ALG13: variants seen among roughly 807,000 people sequenced by gnomAD.
ALG13 encodes UDP-N-acetylglucosamine transferase subunit ALG13.
Under a neutral mutation model 87.8 loss-of-function variants are expected in ALG13, and 11 were observed. The ratio of observed to expected loss-of-function variants is 0.13; its 90% CI spans 0.08 to 0.21. ALG13 has a LOEUF of 0.21. Among genes scored for constraint, ALG13 ranks in the 10% least tolerant of loss-of-function variants. The pLI, the probability that ALG13 is intolerant of heterozygous loss-of-function variation, is 1.00. For missense variants in ALG13, 756 were observed against 866.1 expected, an observed-to-expected ratio of 0.87 and a Z score of 1.60; for synonymous variants, 320 against 306.3, an observed-to-expected ratio of 1.04 and a Z score of -0.47.
intron 3 of ALG13, 80 bp downstream of exon 3, chrX:111,685,183 C>A: frequency 1.0e-6 from 1 of 1,000,372 alleles, no homozygotes; most frequent in Non-Finnish European, 1.4e-6. Context: ...CCTAACCCAT[C>A]TGTCTCTTCT....
chrX:111,730,399 A>G lies in ALG13; in HGVS notation c.2373A>G (p.Arg791=), dbSNP rs1006542504. Residue 791 remains arginine, a synonymous_variant, in exon 20 of 27, where the codon CGA becomes CGG. Transcript: ENST00000394780. ...EEGNGQSENG[R]YHEEYLYRAE... is the part of the protein sequence containing the mutation. ...TGTCTTGTCTTTTTTCCCCAGGGCG[A>G]TATCATGAAGAATATCTTTATCGTG... 8.3e-7 allele frequency: 1 copy of G among 1,210,023 alleles called. No homozygotes were observed.
At position 111,697,518 on chromosome X, in the gene ALG13, G is replaced by A. The variant is rs959241772; in HGVS notation, c.384-10509G>A. Among the ~76,000 whole-genome samples the A allele has an allele frequency of 4.5e-5, 5 of 111,862 alleles. No homozygotes were observed. The Admixed American group carries it at 4.8e-4, about 11-fold the overall frequency. ...ATCTTTTAACAAGCCCTCCACTTGA[G>A]AACCACTGTTCTGGAAGTTTTTCAG... is the stretch of plus-strand genomic sequence containing the variant. On this transcript the variant is annotated intron_variant, in intron 3 of 26. Coordinates refer to ENST00000394780, the MANE Select transcript of ALG13 (RefSeq NM_001099922.3).
intron 18 of ALG13, 115 bp from the exon 19 acceptor site, chrX:111,728,070 A>C (rs897018167): frequency 1.1e-6 from 1 of 933,891 alleles, no homozygotes; most frequent in Non-Finnish European, 1.5e-6. Context: ...GTTCTCTTAC[A>C]ATAGCAGTTC....
chrX:111,707,867 G>C (rs1201801291), intron 3 of ALG13, among the ~76,000 whole-genome samples, 160 bp from the exon 4 acceptor site: 5 of 111,849 alleles, frequency 4.5e-5, no homozygotes, highest in Non-Finnish European at 9.4e-5. Flanking sequence ...AGCTGCTTAT[G>C]CATACTTTTC....
intron 3 of ALG13, among the ~76,000 whole-genome samples, chrX:111,700,756 T>A (rs1244771631): frequency 9.8e-6 from 1 of 102,453 alleles, no homozygotes. Context: ...TTTGTATTTT[T>A]TTTTTTTTTT....
intron 25 of ALG13, among the ~76,000 whole-genome samples, chrX:111,756,035 C>T (rs1481070152): frequency 8.9e-6 from 1 of 112,386 alleles, no homozygotes; most frequent in Admixed American, 9.4e-5. Context: ...CAATGATAGA[C>T]TGCATAAAGA....
At position 111,688,090 on chromosome X, in the gene ALG13, C is replaced by A; in HGVS notation, c.383+2987C>A. On this transcript the variant is annotated intron_variant, in intron 3 of 26. Transcript: ENST00000394780. ...AAATTAAATACATAATATATATTTACAAAATAATATAATTAATAAACTTCC... is the reference window on the plus strand; with the variant it reads ...AAATTAAATACATAATATATATTTAAAAAATAATATAATTAATAAACTTCC... 4 of 867,523 alleles carry A rather than the reference C, an allele frequency of 4.6e-6. No individual in the cohort carries two copies. The South Asian group carries it at 2.4e-4, about 51-fold the overall frequency. The allele number at this position is 867,523 out of a possible 1,213,427, so 71.5% of individuals were successfully genotyped here.
intron 12 of ALG13, 27 bp downstream of exon 12, chrX:111,721,738 T>C (rs1340713781): frequency 9.8e-7 from 1 of 1,019,063 alleles, no homozygotes; most frequent in Non-Finnish European, 1.4e-6. Context: ...AGGATACTTT[T>C]GAATCCTGAC....
intron 13 of ALG13, among the ~76,000 whole-genome samples, chrX:111,723,250 T>C (rs1017262399): frequency 1.8e-5 from 2 of 108,564 alleles, no homozygotes; most frequent in African/African-American, 3.4e-5. Flanking sequence ...GCCTCCCGGG[T>C]TCATGCCTCA....
intron 2 of ALG13, among the ~76,000 whole-genome samples, chrX:111,684,686 G>T (rs1934482254): frequency 8.9e-6 from 1 of 111,758 alleles, no homozygotes; most frequent in Non-Finnish European, 1.9e-5. Flanking sequence ...GTAAGTTGAG[G>T]GTCATTGGTA....
At chrX:111,715,732 A>T (rs1043238825) in intron 8 of ALG13, among the ~76,000 whole-genome samples, 1 of 112,290 alleles carries the variant, frequency 8.9e-6, no homozygotes, top group Non-Finnish European at 1.9e-5. Flanking sequence ...ATAAATAAAT[A>T]AAAATGATTG....
chrX:111,682,339 T>G, intron 2 of ALG13, 45 bp downstream of exon 2: 3 of 1,051,258 alleles, frequency 2.9e-6, no homozygotes, highest in Non-Finnish European at 3.8e-6. Flanking sequence ...TTAATTTTAA[T>G]TTTTTTTAAG....
At chrX:111,725,553 T>G (rs1941898597) in intron 15 of ALG13, among the ~76,000 whole-genome samples, 1 of 111,120 alleles carries the variant, frequency 9.0e-6, no homozygotes, top group African/African-American at 3.3e-5. Flanking sequence ...GGTAGCATAA[T>G]AGGGTGACTG....
At chrX:111,715,047 T>G (rs185855244) in intron 8 of ALG13, among the ~76,000 whole-genome samples, 1 of 111,986 alleles carries the variant, frequency 8.9e-6, no homozygotes, top group Non-Finnish European at 1.9e-5. Context: ...CAGTAAACAT[T>G]CATGTACCCA....
chrX:111,722,719 G>A, intron 12 of ALG13, 74 bp from the exon 13 acceptor site: 2 of 752,689 alleles, frequency 2.7e-6, no homozygotes, highest in Non-Finnish European at 4.0e-6. Context: ...TACGGTAAAA[G>A]TAAATGAGGA....
At chrX:111,746,390 A>G (rs1944243963) in intron 24 of ALG13, among the ~76,000 whole-genome samples, 1 of 111,901 alleles carries the variant, frequency 8.9e-6, no homozygotes, top group Non-Finnish European at 1.9e-5. Context: ...GATTAGTTTT[A>G]CCTGTTTTAG....
intron 1 of ALG13, chrX:111,681,777 C>T (rs1201293386): frequency 1.2e-6 from 1 of 832,364 alleles, no homozygotes; most frequent in Admixed American, 6.9e-5. Context: ...CGGTTCCTCT[C>T]CTCAGCGCGC....
chrX:111,756,548 C>T (rs1023835269), intron 25 of ALG13, among the ~76,000 whole-genome samples: 2 of 111,647 alleles, frequency 1.8e-5, no homozygotes, highest in South Asian at 3.8e-4. Flanking sequence ...AAAGGTGTCT[C>T]CGAGTTGAGG....
At chrX:111,751,132 G>A (rs1229627850) in intron 24 of ALG13, among the ~76,000 whole-genome samples, 3 of 97,888 alleles carry the variant, frequency 3.1e-5, no homozygotes, top group East Asian at 3.3e-4. Flanking sequence ...GCAGTGGCGC[G>A]AGCTCAGCTC....
Sources: gnomAD v4.1 joint callset for allele counts (sites outside exome capture counted in the v4.1 genomes callset) on GRCh38, gnomAD v4.1.1 for gene constraint, MANE v1.5 for transcripts, NCBI Gene and HGNC (gene_info 2026-07-23, HGNC 2026-07-21) for gene names.